Variants in SH3BGR observed in about 807,000 individuals in gnomAD.
SH3BGR encodes SH3 domain binding glutamate rich protein, also known as SH3 domain-binding glutamic acid-rich protein.
A neutral mutation model predicts 24.5 loss-of-function variants in SH3BGR; 29 were observed. The ratio of observed to expected loss-of-function variants is 1.18; its 90% CI spans 0.88 to 1.61. The LOEUF is 1.61. Among genes scored for constraint, SH3BGR ranks in the 40% most tolerant of loss-of-function variants. The pLI is 0.00. For missense variants in SH3BGR, 162 were observed against 205.8 expected, an observed-to-expected ratio of 0.79 and a Z score of 1.30; for synonymous variants, 55 against 65.7, an observed-to-expected ratio of 0.84 and a Z score of 0.79.
intron 3 of SH3BGR, among the ~76,000 whole-genome samples, chr21:39,493,219 G>C (rs1006645568): frequency 7.9e-5 from 12 of 152,038 alleles, no homozygotes; most frequent in African/African-American, 2.9e-4. Context: ...GGGTTTTTCT[G>C]ATGTTATCTT....
intron 4 of SH3BGR, among the ~76,000 whole-genome samples, chr21:39,504,783 C>T (rs1602169501): frequency 1.3e-5 from 2 of 152,132 alleles, no homozygotes. Flanking sequence ...TGCCTAATTC[C>T]AGTATTTTAT....
At chr21:39,455,804 G>A (rs77958374) in intron 1 of SH3BGR, among the ~76,000 whole-genome samples, 5,538 of 152,286 alleles carry the variant, frequency 0.036, 125 homozygotes, top group Middle Eastern at 0.099. Flanking sequence ...AGCGTGATAA[G>A]CAATGCACTG....
At chr21:39,451,924 T>G (rs756104437), upstream of SH3BGR, 5 of 1,614,140 alleles carry the variant, frequency 3.1e-6, no homozygotes, top group South Asian at 1.1e-5. Flanking sequence ...CTGCTGCTCC[T>G]TGGAGAGACA....
At chr21:39,509,994 T>G (rs1002598627) in intron 5 of SH3BGR, among the ~76,000 whole-genome samples, 1 of 127,176 alleles carries the variant, frequency 7.9e-6, no homozygotes, top group Non-Finnish European at 1.6e-5. Flanking sequence ...CCAGGCCGGA[T>G]TGCAGTGGCG....
At chr21:39,497,026 C>T (rs920111128) in intron 3 of SH3BGR, among the ~76,000 whole-genome samples, 1 of 151,794 alleles carries the variant, frequency 6.6e-6, no homozygotes, top group Non-Finnish European at 1.5e-5. Flanking sequence ...TTGAAAAATA[C>T]TTTGTGTAAC....
At chr21:39,476,579 G>A (rs373897810) in intron 3 of SH3BGR, among the ~76,000 whole-genome samples, 91 of 152,244 alleles carry the variant, frequency 6.0e-4, no homozygotes, top group African/African-American at 2.2e-3. Flanking sequence ...AGTCCCTTGC[G>A]TCCCTGCTTG....
chr21:39,456,954 A>G (rs1363120854), intron 1 of SH3BGR, among the ~76,000 whole-genome samples: 5 of 151,304 alleles, frequency 3.3e-5, no homozygotes, highest in Admixed American at 2.6e-4. Flanking sequence ...ATTAAATTAA[A>G]TGCGTGATTA....
intron 3 of SH3BGR, among the ~76,000 whole-genome samples, chr21:39,497,138 A>G (rs1336047127): frequency 6.6e-6 from 1 of 150,928 alleles, no homozygotes; most frequent in Admixed American, 6.6e-5. Context: ...TATATCTGAG[A>G]ATATATTTAT....
chr21:39,512,364 G>A (rs571560832), intron 6 of SH3BGR, among the ~76,000 whole-genome samples: 1 of 152,242 alleles, frequency 6.6e-6, no homozygotes, highest in Non-Finnish European at 1.5e-5. Context: ...TAACCAGAAC[G>A]CTCCTCTGGA....
chr21:39,475,424 G>A (rs1470024641), intron 3 of SH3BGR, among the ~76,000 whole-genome samples: 1 of 152,098 alleles, frequency 6.6e-6, no homozygotes, highest in Non-Finnish European at 1.5e-5. Context: ...TTTATGCTGT[G>A]TTTTCACCTT....
chr21:39,450,379 T>C (rs2077559433), upstream of SH3BGR, among the ~76,000 whole-genome samples: 2 of 152,192 alleles, frequency 1.3e-5, no homozygotes, highest in Non-Finnish European at 2.9e-5. Context: ...TTCATTGTGA[T>C]GTAGGGGCAT....
At chr21:39,450,674 A>T (rs1307583751), upstream of SH3BGR, among the ~76,000 whole-genome samples, 5 of 152,288 alleles carry the variant, frequency 3.3e-5, no homozygotes, top group South Asian at 2.1e-4. Flanking sequence ...CTTCTTGAAA[A>T]ACTAGCCCTT....
At chr21:39,474,536 G>T (rs565975310) in intron 2 of SH3BGR, among the ~76,000 whole-genome samples, 1 of 152,180 alleles carries the variant, frequency 6.6e-6, no homozygotes, top group Non-Finnish European at 1.5e-5. Context: ...GACCTGCCTG[G>T]TGAAGGACTG....
intron 3 of SH3BGR, among the ~76,000 whole-genome samples, chr21:39,497,875 G>A (rs1181294858): frequency 1.3e-5 from 2 of 152,072 alleles, no homozygotes; most frequent in African/African-American, 4.8e-5. Flanking sequence ...TTCATATATC[G>A]CTGTGGGGAT....
intron 5 of SH3BGR, among the ~76,000 whole-genome samples, chr21:39,510,234 G>C (rs1041327612): frequency 1.6e-5 from 2 of 127,644 alleles, no homozygotes; most frequent in African/African-American, 7.1e-5. Context: ...GAGCCACCGC[G>C]CCCAGCCTTT....
chr21:39,452,204 T>C, intron 1 of SH3BGR, 63 bp downstream of exon 1: 14 of 1,595,756 alleles, frequency 8.8e-6, no homozygotes, highest in Non-Finnish European at 1.2e-5. Flanking sequence ...GTTGGAAATA[T>C]GGCCAACGTT....
At chr21:39,503,244 T>A (rs945291697) in intron 4 of SH3BGR, among the ~76,000 whole-genome samples, 2 of 152,200 alleles carry the variant, frequency 1.3e-5, no homozygotes, top group African/African-American at 2.4e-5. Flanking sequence ...AACATTTTAT[T>A]CTGAAATAAC....
At chr21:39,451,559 C>T (rs2077574573), upstream of SH3BGR, among the ~76,000 whole-genome samples, 1 of 152,156 alleles carries the variant, frequency 6.6e-6, no homozygotes, top group African/African-American at 2.4e-5. Context: ...ACTTAAAGGC[C>T]TCTGTGGCTA....
At chr21:39,480,193 A>G (rs930831204) in intron 3 of SH3BGR, among the ~76,000 whole-genome samples, 1 of 152,196 alleles carries the variant, frequency 6.6e-6, no homozygotes, top group Admixed American at 6.5e-5. Context: ...TTTTATTGGG[A>G]TATAATTCAC....
Sources: gnomAD v4.1 joint callset for allele counts (sites outside exome capture counted in the v4.1 genomes callset) on GRCh38, gnomAD v4.1.1 for gene constraint, MANE v1.5 for transcripts, NCBI Gene and HGNC (gene_info 2026-07-23, HGNC 2026-07-21) for gene names.